The following SBSPON variants were observed in gnomAD, a reference collection of about 807,000 sequenced individuals.
SBSPON encodes somatomedin-B and thrombospondin type-1 domain-containing protein.
SBSPON carries 30 observed loss-of-function variants against 35.8 expected under a neutral mutation model. The ratio of observed to expected loss-of-function variants is 0.84; its 90% CI spans 0.63 to 1.14. The LOEUF is 1.14. SBSPON is among the 50% of genes most tolerant of loss of function. The pLI is 0.00. For synonymous variants in SBSPON, 136 were observed against 135.9 expected (o/e 1.00, Z 0.00); for missense variants, 364 against 357.7 (o/e 1.02, Z -0.14).
At chr8:73,090,215 C>T (rs72655856) in intron 1 of SBSPON, among the ~76,000 whole-genome samples, 8,442 of 152,240 alleles carry the variant, frequency 0.055, 332 homozygotes, top group South Asian at 0.098. Flanking sequence ...TTAGGCCCCA[C>T]GAGGGTGACT....
In SBSPON at chr8:73,093,014, G is replaced by T; in HGVS notation, c.54C>A (p.Ala18=). ...LCALSRLWPG[A]QAGCAEAGRC... ...GCCCGGCCTCGGCGCAGCCGGCCTGGGCCCCGGGCCACAGCCGCGACAGCG... is the reference window on the plus strand; with the variant it reads ...GCCCGGCCTCGGCGCAGCCGGCCTGTGCCCCGGGCCACAGCCGCGACAGCG... The change falls in exon 1 of 5, where the codon GCC becomes GCA. Residue 18 remains alanine, a synonymous_variant. Coordinates refer to ENST00000297354, the MANE Select transcript of SBSPON (RefSeq NM_153225.4). The T allele has an allele frequency of 7.0e-7, 1 of 1,428,610 alleles. No homozygotes were observed. Among genetic ancestry groups the T allele is most frequent in the South Asian group, 1.5e-5 (1 of 64,752 alleles). The allele number at this position is 1,428,610 out of a possible 1,614,324, so 88.5% of individuals were successfully genotyped here. A position where few individuals can be genotyped will look rare whatever the true frequency, so the allele number is the denominator to read the frequency against.
At chr8:73,082,319 AT>A (rs1010691409) in intron 1 of SBSPON, among the ~76,000 whole-genome samples, 6 of 152,082 alleles carry the variant, frequency 3.9e-5, no homozygotes, top group Admixed American at 6.6e-5. Flanking sequence ...GATGCCAAAC[AT>A]TTTTTTCCCC....
At position 73,091,931 on chromosome 8, in the gene SBSPON, C is replaced by T. The variant is rs1482825402; in HGVS notation, c.214+923G>A. On this transcript the variant is annotated intron_variant, in intron 1 of 4. Coordinates refer to ENST00000297354, the MANE Select transcript of SBSPON (RefSeq NM_153225.4). ...TGCTGAGGCTCCCACATGTCGGGAT[C>T]CTTCAGCTCGAACCCTAATATCTGT... is the stretch of plus-strand genomic sequence containing the variant. Among the ~76,000 whole-genome samples, 7 of 152,294 alleles carry T rather than the reference C, an allele frequency of 4.6e-5. No homozygotes were observed. The South Asian group carries it at 1.4e-3, about 32-fold the overall frequency.
At chr8:73,077,858 CCTCT>C (rs1295257921) in intron 2 of SBSPON, among the ~76,000 whole-genome samples, 1 of 151,922 alleles carries the variant, frequency 6.6e-6, no homozygotes, top group Non-Finnish European at 1.5e-5. Flanking sequence ...CACTGCAAAT[CCTCT>C]CTCTCTCTTA....
chr8:73,092,858 G>A lies in SBSPON; in HGVS notation c.210C>T (p.Cys70=). The change falls in exon 1 of 5, where the codon TGC becomes TGT. Residue 70 remains cysteine (C), a synonymous_variant. Transcript: ENST00000297354. ...ACTCTCGGCCTGACCACCCACCTGG[G>A]CACGCCCTGTCGTAGTCGAAGCAGC... ...GDCCFDYDRA[C]PARPCFVGEW... is the part of the protein sequence containing the mutation. 1 of 1,609,988 alleles carries A rather than the reference G, an allele frequency of 6.2e-7. No homozygotes were observed. The highest frequency in any genetic ancestry group is 1.1e-5 in the South Asian group (1 of 90,504).
chr8:73,080,944 A>G lies in SBSPON; in HGVS notation c.409+75T>C, dbSNP rs1263426136. ...GCATGGAACCTTCCCTGCACAGCAT[A>G]TGGCCTTTTGTAGGATGAAGTGGTC... On this transcript the variant is annotated intron_variant, in intron 2 of 4. Transcript: ENST00000297354. 3 of 1,346,436 alleles carry G rather than the reference A, an allele frequency of 2.2e-6. No homozygotes were observed. The East Asian group carries it at 7.3e-5, about 33-fold the overall frequency. The allele number at this position is 1,346,436 out of a possible 1,614,324, so 83.4% of individuals were successfully genotyped here. A position where few individuals can be genotyped will look rare whatever the true frequency, so the allele number is the denominator to read the frequency against.
At chr8:73,074,566 A>C (rs1337362802) in intron 2 of SBSPON, 1 of 984,056 alleles carries the variant, frequency 1.0e-6, no homozygotes, top group Non-Finnish European at 1.2e-6. Flanking sequence ...CAAACTCCTC[A>C]GGGCGGCACT....
Position 73,069,825 on chromosome 8 carries a change from T to G in SBSPON, c.657A>C (p.Gly219=). 6.2e-7 allele frequency: 1 copy of G among 1,614,014 alleles called. No individual in the cohort carries two copies. Among genetic ancestry groups the G allele is most frequent in the Non-Finnish European group, 8.5e-7 (1 of 1,179,886 alleles). Reference sequence around the variant, plus strand: ...CTTACCCATCGGAGTCCAGGCCATCTCCAGAACAACGAAGGCTCACAGAGT... The same window carrying G: ...CTTACCCATCGGAGTCCAGGCCATCGCCAGAACAACGAAGGCTCACAGAGT... ...AMNSVSLRCS[G]DGLDSDGNQT... is the part of the protein sequence containing the mutation. The change falls in exon 4 of 5, where the codon GGA becomes GGC. Residue 219 remains glycine, a synonymous_variant. Coordinates refer to ENST00000297354, the MANE Select transcript of SBSPON (RefSeq NM_153225.4).
chr8:73,074,726 AC>A (rs2130001088), intron 2 of SBSPON: 1 of 281,922 alleles, frequency 3.5e-6, no homozygotes, highest in African/African-American at 2.3e-5. Flanking sequence ...GAAAAGAGAA[AC>A]TTTTAGCCCC....
At chr8:73,091,357 G>A (rs979568836) in intron 1 of SBSPON, among the ~76,000 whole-genome samples, 3 of 152,178 alleles carry the variant, frequency 2.0e-5, no homozygotes, top group Non-Finnish European at 2.9e-5. Context: ...TAAGTGTGTC[G>A]AACAGGAGCT....
At position 73,069,904 on chromosome 8, in the gene SBSPON, TG is replaced by T. The variant is rs1304662007; in HGVS notation, c.577del (p.Gln193SerfsTer18). 1 of 1,612,478 alleles carries T rather than the reference TG, an allele frequency of 6.2e-7. No homozygotes were observed. Among genetic ancestry groups the T allele is most frequent in the Non-Finnish European group, 8.5e-7 (1 of 1,178,576 alleles). ...LENWPLTRWM[Q>X]YLREGYTVCV... ...CACCGTGTATCCCTCTCGGAGATAC[TG>T]CATCCATCTAGTCAAGGGCCAGTTT... On this transcript the variant is annotated frameshift_variant, in exon 4 of 5. Coordinates refer to ENST00000297354, the MANE Select transcript of SBSPON (RefSeq NM_153225.4). LOFTEE classifies it high-confidence loss of function.
intron 1 of SBSPON, among the ~76,000 whole-genome samples, chr8:73,088,620 T>C (rs561920071): frequency 4.9e-4 from 74 of 151,750 alleles, no homozygotes; most frequent in African/African-American, 1.7e-3. Context: ...AGTGTGGAGG[T>C]TGCAATGAGC....
intron 2 of SBSPON, among the ~76,000 whole-genome samples, chr8:73,073,078 G>A (rs1810528509): frequency 6.6e-6 from 1 of 152,186 alleles, no homozygotes; most frequent in Non-Finnish European, 1.5e-5. Flanking sequence ...GTCATCTTGA[G>A]GAAGGCAGGG....
At position 73,084,114 on chromosome 8, in the gene SBSPON, C is replaced by A. The variant is rs193120536; in HGVS notation, c.215-2901G>T. Among the ~76,000 whole-genome samples, 507 of 152,328 alleles carry A rather than the reference C, an allele frequency of 3.3e-3. 9 individuals are homozygous for A. Among genetic ancestry groups the A allele is most frequent in the Admixed American group, 0.023 (348 of 15,304 alleles). On this transcript the variant is annotated intron_variant, in intron 1 of 4. Coordinates refer to ENST00000297354, the MANE Select transcript of SBSPON (RefSeq NM_153225.4). The stretch of plus-strand genomic sequence containing the variant: ...AGCTCTGCTGAAGGTCTGGGGGGCA[C>A]CCCTGGCTTTCAGCTCATTGGAGAG...
chr8:73,077,716 A>C (rs188577768), intron 2 of SBSPON, among the ~76,000 whole-genome samples: 1 of 152,278 alleles, frequency 6.6e-6, no homozygotes, highest in African/African-American at 2.4e-5. Flanking sequence ...TGTTTACGTG[A>C]TTGCCTCTCA....
At chr8:73,071,338 C>G (rs1251196540) in intron 3 of SBSPON, among the ~76,000 whole-genome samples, 1 of 152,180 alleles carries the variant, frequency 6.6e-6, no homozygotes, top group African/African-American at 2.4e-5. Flanking sequence ...CCTTATCTGA[C>G]AGCAGAAGAA....
chr8:73,089,595 A>C (rs1287525561), intron 1 of SBSPON, among the ~76,000 whole-genome samples: 1 of 152,096 alleles, frequency 6.6e-6, no homozygotes, highest in African/African-American at 2.4e-5. Context: ...GGATTAAATG[A>C]GACAAAGTAT....
chr8:73,066,043 G>A lies in SBSPON; in HGVS notation c.*1298C>T, dbSNP rs1810382880. On this transcript the variant is annotated 3_prime_UTR_variant, in exon 5 of 5. Transcript: ENST00000297354. ...TGGGGAAATCTCCATCCTTATTGCT[G>A]TTGTGAATCTGTCATTACATGATAA... The A allele has an allele frequency of 6.6e-6, 1 of 151,922 alleles. No individual in the cohort carries two copies. The highest frequency in any genetic ancestry group is 1.5e-5 in the Non-Finnish European group (1 of 67,988). The allele number at this position is 151,922 out of a possible 1,614,324, so 9.4% of individuals were successfully genotyped here. A position where few individuals can be genotyped will look rare whatever the true frequency, so the allele number is the denominator to read the frequency against.
chr8:73,077,754 C>T (rs1435396819), intron 2 of SBSPON, among the ~76,000 whole-genome samples: 2 of 152,132 alleles, frequency 1.3e-5, no homozygotes, highest in African/African-American at 4.8e-5. Context: ...TCTAGTAAGC[C>T]ATCATTTTTC....
Sources: gnomAD v4.1 joint callset for allele counts (sites outside exome capture counted in the v4.1 genomes callset) on GRCh38, gnomAD v4.1.1 for gene constraint, MANE v1.5 for transcripts, NCBI Gene and HGNC (gene_info 2026-07-23, HGNC 2026-07-21) for gene names.